Variants in ANKRD24 observed in about 807,000 individuals in gnomAD.
The protein encoded by ANKRD24 is ankyrin repeat domain-containing protein 24.
ANKRD24 carries 109 observed loss-of-function variants against 127.8 expected under a neutral mutation model. The ratio of observed to expected loss-of-function variants is 0.85; its 90% CI spans 0.73 to 1.00. ANKRD24 has a LOEUF of 1.00. Ranked by LOEUF, ANKRD24 falls within the 50% of genes least tolerant of loss-of-function variation. The pLI is 0.00. For synonymous variants in ANKRD24, 743 were observed against 671.1 expected (o/e 1.11, Z -1.66); for missense variants, 1,648 against 1,570.2 (o/e 1.05, Z -0.84).
rs988402085 is a variant in ANKRD24, at chr19:4,198,625, C to A, written c.37-1058C>A. 4.9e-6 allele frequency: 2 copies of A among 408,336 alleles called. No individual in the cohort carries two copies. The highest frequency in any genetic ancestry group is 2.1e-5 in the African/African-American group (1 of 48,336). The allele number at this position is 408,336 out of a possible 1,614,324, so 25.3% of individuals were successfully genotyped here. On this transcript the variant is annotated intron_variant, in intron 2 of 21. Coordinates refer to ENST00000318934, the MANE Select transcript of ANKRD24 (RefSeq NM_001393985.1). The surrounding 1 kb of genome is among the most constrained non-coding windows in gnomAD (Gnocchi z 6.1). ...TCCCCGGCTGACCTGGACCACCCCC[C>A]CATTCCAGACCCGGGAAAGATGGTC...
intron 2 of ANKRD24, among the ~76,000 whole-genome samples, chr19:4,193,297 C>CAAAAAA (rs71166975): frequency 1.2e-4 from 11 of 90,648 alleles, no homozygotes; most frequent in African/African-American, 2.3e-4. Context: ...GCGACTCCAT[C>CAAAAAA]AAAAAAAAAA....
intron 11 of ANKRD24, among the ~76,000 whole-genome samples, chr19:4,209,846 G>A (rs574406979): frequency 6.6e-6 from 1 of 152,336 alleles, no homozygotes; most frequent in Non-Finnish European, 1.5e-5. Context: ...ACAGAGAGGA[G>A]CAGAGAGTAA....
At chr19:4,208,836 C>T in intron 11 of ANKRD24, 35 bp downstream of exon 11, 1 of 1,603,700 alleles carries the variant, frequency 6.2e-7, no homozygotes, top group Non-Finnish European at 8.5e-7. Flanking sequence ...AGCCCCTCCT[C>T]CCTGCATCCA....
intron 2 of ANKRD24, among the ~76,000 whole-genome samples, chr19:4,197,572 A>G (rs889234100): frequency 2.6e-5 from 4 of 152,168 alleles, no homozygotes; most frequent in Admixed American, 2.6e-4. Context: ...ATAAGAATGA[A>G]TGAATGAACA....
chr19:4,183,777 G>A (rs62130860), intron 1 of ANKRD24, among the ~76,000 whole-genome samples: 1,751 of 152,196 alleles, frequency 0.012, 15 homozygotes, highest in Non-Finnish European at 0.017. Flanking sequence ...GCTGGGTGTG[G>A]TGGCCTGTAA....
At chr19:4,193,834 C>CAGAA (rs1968523429) in intron 2 of ANKRD24, among the ~76,000 whole-genome samples, 2 of 78,382 alleles carry the variant, frequency 2.6e-5, no homozygotes, top group Non-Finnish European at 4.4e-5. Flanking sequence ...GAGACTCCGT[C>CAGAA]GGGAGGGAGG....
rs549500556 is a variant in ANKRD24, at chr19:4,199,889, C to T, written c.138C>T (p.Gly46=). ...GTGCCCTGCAGAGTCAAGACTGGGG[C>T]AAGAGTGACGAGAGGCTGCTACAAG... ...ARGRRQSQDW[G]KSDERLLQAV... The change falls in exon 4 of 22, where the codon GGC becomes GGT. Residue 46 remains glycine (G), a synonymous_variant. Coordinates refer to ENST00000318934, the MANE Select transcript of ANKRD24 (RefSeq NM_001393985.1). The surrounding 1 kb of genome is among the most constrained non-coding windows in gnomAD (Gnocchi z 5.2). The T allele has an allele frequency of 8.9e-6, 14 of 1,571,184 alleles. No homozygotes were observed. In the South Asian group the frequency reaches 1.6e-4, roughly 18 times the overall value.
At chr19:4,208,835 T>G in intron 11 of ANKRD24, 34 bp downstream of exon 11, 2 of 1,604,036 alleles carry the variant, frequency 1.2e-6, no homozygotes, top group Non-Finnish European at 1.7e-6. Flanking sequence ...GAGCCCCTCC[T>G]CCCTGCATCC....
rs753105321 is a variant in ANKRD24, at chr19:4,198,341, A to AGGGAGGGCGGGACCGGGC, written c.37-1338_37-1321dup. ...AGGGCAAGGGGGAGGGGGCGGCACC[A>AGGGAGGGCGGGACCGGGC]GGGAGGGCGGGACCGGGCGGGCGGG... On this transcript the variant is annotated intron_variant, in intron 2 of 21. Transcript: ENST00000318934. This position sits in a 1 kb window ranked among gnomAD's most constrained non-coding sequence, Gnocchi z 6.1. The AGGGAGGGCGGGACCGGGC allele has an allele frequency of 0.2, 5,630 of 28,258 alleles. 70 individuals are homozygous for AGGGAGGGCGGGACCGGGC. The highest frequency in any genetic ancestry group is 0.25 in the Non-Finnish European group (4,381 of 17,820). 1.8% of individuals were successfully genotyped at this position (28,258 alleles called of 1,614,324 possible).
intron 15 of ANKRD24, among the ~76,000 whole-genome samples, chr19:4,215,257 G>A (rs145207672): frequency 0.012 from 1,768 of 152,224 alleles, 39 homozygotes; most frequent in African/African-American, 0.041. Flanking sequence ...AGGCCAAGGC[G>A]GGTGGATCAC....
chr19:4,199,651 AC>A lies in ANKRD24; in HGVS notation c.37-27del. On this transcript the variant is annotated intron_variant, in intron 2 of 21. Transcript: ENST00000318934. The surrounding 1 kb of genome is among the most constrained non-coding windows in gnomAD (Gnocchi z 5.2). ...CAGGCTTGGGGGACACTGTCTGAGG[AC>A]CCCCTCGCCCAGGACCACCTCCCCC... The A allele has an allele frequency of 1.3e-6, 2 of 1,505,736 alleles. No homozygotes were observed. The highest frequency in any genetic ancestry group is 2.4e-5 in the Admixed American group (1 of 40,978). 93.3% of individuals were successfully genotyped at this position (1,505,736 alleles called of 1,614,324 possible). A position where few individuals can be genotyped will look rare whatever the true frequency, so the allele number is the denominator to read the frequency against.
At chr19:4,211,593 A>G (rs1308908629) in intron 13 of ANKRD24, among the ~76,000 whole-genome samples, 2 of 151,936 alleles carry the variant, frequency 1.3e-5, no homozygotes, top group Non-Finnish European at 2.9e-5. Flanking sequence ...GCAGTGAGCC[A>G]AGATCACACC....
Position 4,186,559 on chromosome 19 carries a change from A to G in ANKRD24, c.36+98A>G, listed in dbSNP as rs1032220989. On this transcript the variant is annotated intron_variant, in intron 2 of 21. Transcript: ENST00000318934. Reference sequence around the variant, plus strand: ...GATCCACCCTTTCATTCCAGTACCCACCTCTTCTCCTTTCCTCTCTGCTGC... The same window carrying G: ...GATCCACCCTTTCATTCCAGTACCCGCCTCTTCTCCTTTCCTCTCTGCTGC... 188 of 1,353,934 alleles carry G rather than the reference A, an allele frequency of 1.4e-4. 1 individual carries two copies. In the African/African-American group the frequency reaches 2.5e-3, roughly 18 times the overall value. The allele number at this position is 1,353,934 out of a possible 1,614,324, so 83.9% of individuals were successfully genotyped here. A position where few individuals can be genotyped will look rare whatever the true frequency, so the allele number is the denominator to read the frequency against.
chr19:4,199,649 G>T lies in ANKRD24; in HGVS notation c.37-34G>T. 1.3e-6 allele frequency: 2 copies of T among 1,507,326 alleles called. No individual in the cohort carries two copies. Among genetic ancestry groups the T allele is most frequent in the Non-Finnish European group, 8.8e-7 (1 of 1,133,814 alleles). 93.4% of individuals were successfully genotyped at this position (1,507,326 alleles called of 1,614,324 possible). A position where few individuals can be genotyped will look rare whatever the true frequency, so the allele number is the denominator to read the frequency against. ...CGCAGGCTTGGGGGACACTGTCTGA[G>T]GACCCCCTCGCCCAGGACCACCTCC... On this transcript the variant is annotated intron_variant, in intron 2 of 21. Coordinates refer to ENST00000318934, the MANE Select transcript of ANKRD24 (RefSeq NM_001393985.1). The surrounding 1 kb of genome is among the most constrained non-coding windows in gnomAD (Gnocchi z 5.2).
In ANKRD24 at chr19:4,186,619, A is replaced by G. The variant is rs983576069; in HGVS notation, c.36+158A>G. ...TCATGACCTCCCCACTGCTCCCCGT[A>G]CAAGCTTTCCAGCCCAGGCCTTTAC... On this transcript the variant is annotated intron_variant, in intron 2 of 21. Coordinates refer to ENST00000318934, the MANE Select transcript of ANKRD24 (RefSeq NM_001393985.1). Among the ~76,000 whole-genome samples the G allele has an allele frequency of 3.3e-5, 5 of 151,952 alleles. No individual in the cohort carries two copies. The East Asian group carries it at 9.7e-4, about 29-fold the overall frequency.
Position 4,217,548 on chromosome 19 carries a change from G to A in ANKRD24, c.2388G>A (p.Glu796=), listed in dbSNP as rs1352896731. Residue 796 remains glutamate, a synonymous_variant, in exon 18 of 22, where the codon GAG becomes GAA. Transcript: ENST00000318934. ...GGGCGGCCCTGGAGCAGGCCCGGGA[G>A]GACCTCCGAGACCGGGACTCCCGCC... ...QLRAALEQAR[E]DLRDRDSRLR... The A allele has an allele frequency of 4.5e-6, 6 of 1,323,028 alleles. No individual in the cohort carries two copies. Among genetic ancestry groups the A allele is most frequent in the Non-Finnish European group, 5.8e-6 (6 of 1,040,852 alleles). The allele number at this position is 1,323,028 out of a possible 1,614,324, so 82.0% of individuals were successfully genotyped here. A position where few individuals can be genotyped will look rare whatever the true frequency, so the allele number is the denominator to read the frequency against.
rs1568321095 is a variant in ANKRD24 at position 4,198,581 on chromosome 19, C to G, written c.37-1102C>G. The G allele has an allele frequency of 2.1e-6, 1 of 469,218 alleles. No individual in the cohort carries two copies. Among genetic ancestry groups the G allele is most frequent in the East Asian group, 3.5e-5 (1 of 28,536 alleles). 29.1% of individuals were successfully genotyped at this position (469,218 alleles called of 1,614,324 possible). On this transcript the variant is annotated intron_variant, in intron 2 of 21. Transcript: ENST00000318934. The surrounding 1 kb of genome is among the most constrained non-coding windows in gnomAD (Gnocchi z 6.1). ...GGAGCGGGCGGGGCGCGGGTACCTC[C>G]TCTCCCCTCCCTTCCCCGTCCCCGG...
In ANKRD24 at chr19:4,219,666, C is replaced by A. The variant is rs780825958; in HGVS notation, c.3079C>A (p.Leu1027Ile). The A allele has an allele frequency of 7.0e-5, 113 of 1,613,738 alleles. No homozygotes were observed. In the Middle Eastern group the frequency reaches 8.2e-4, roughly 12 times the overall value. Residue 1027 changes from leucine to isoleucine, a missense_variant, in exon 19 of 22, where the codon CTA (leucine) becomes ATA (isoleucine). Coordinates refer to ENST00000318934, the MANE Select transcript of ANKRD24 (RefSeq NM_001393985.1). ...ACAGCTGGCCACAGCAGAGCAGCAGCTACGGGGGCTACGGACCGAGGCGGA... is the reference window on the plus strand; with the variant it reads ...ACAGCTGGCCACAGCAGAGCAGCAGATACGGGGGCTACGGACCGAGGCGGA... Reference protein sequence around the residue: ...EAQLATAEQQLRGLRTEAERA... With the variant: ...EAQLATAEQQIRGLRTEAERA...
Position 4,216,305 on chromosome 19 carries a change from G to A in ANKRD24, c.1292G>A (p.Arg431Lys), listed in dbSNP as rs755718791. 4.5e-6 allele frequency: 7 copies of A among 1,556,910 alleles called. No homozygotes were observed. The highest frequency in any genetic ancestry group is 6.1e-6 in the Non-Finnish European group (7 of 1,150,114). ...CCAGGGGCCGAGGTGCTGCTGTCCAGACAACTCAGTCCGTCGGCCCAGGAA... is the reference window on the plus strand; with the variant it reads ...CCAGGGGCCGAGGTGCTGCTGTCCAAACAACTCAGTCCGTCGGCCCAGGAA... ...DLPGAEVLLS[R>K]QLSPSAQEHL... Residue 431 changes from arginine (R) to lysine (K), a missense_variant, in exon 17 of 22, where the codon AGA becomes AAA. Coordinates refer to ENST00000318934, the MANE Select transcript of ANKRD24 (RefSeq NM_001393985.1).
Sources: gnomAD v4.1 joint callset for allele counts (sites outside exome capture counted in the v4.1 genomes callset) on GRCh38, gnomAD v4.1.1 for gene constraint, Gnocchi (gnomAD v3.1) non-coding constraint, MANE v1.5 for transcripts, NCBI Gene and HGNC (gene_info 2026-07-23, HGNC 2026-07-21) for gene names.